Variants in COL10A1 observed in about 807,000 individuals in gnomAD.
COL10A1 encodes the protein collagen alpha-1(X) chain.
COL10A1 carries 10 observed loss-of-function variants against 18.2 expected under a neutral mutation model. The observed-to-expected ratio is 0.55, with a 90% CI of 0.34 to 0.93. The LOEUF is 0.93. COL10A1 is among the 40% of genes least tolerant of loss of function. The probability of loss-of-function intolerance (pLI) is 0.02; values close to 1 mark genes in which losing one functional copy is unlikely to be tolerated. For synonymous variants in COL10A1, 330 were observed against 316.6 expected, an observed-to-expected ratio of 1.04 and a Z score of -0.45; for missense variants, 897 against 853.5, an observed-to-expected ratio of 1.05 and a Z score of -0.64.
chr6:116,163,141 AAT>A (rs1554197063), upstream of COL10A1, among the ~76,000 whole-genome samples: 68 of 88,350 alleles, frequency 7.7e-4, 2 homozygotes, highest in East Asian at 3.9e-3. Flanking sequence ...AAAAAAAAAA[AAT>A]ATATATATAT....
intron 1 of COL10A1, among the ~76,000 whole-genome samples, chr6:116,152,020 G>T (rs933654086): frequency 1.3e-5 from 2 of 152,132 alleles, no homozygotes; most frequent in Non-Finnish European, 2.9e-5. Context: ...CTAAGATGCA[G>T]GATTATAGTA....
chr6:116,168,699 GT>G, the COL10A1 span, among the ~76,000 whole-genome samples: 2 of 151,148 alleles, frequency 1.3e-5, no homozygotes, highest in Admixed American at 6.6e-5. Flanking sequence ...ACTAGCTATT[GT>G]TTTTTTTAAT....
At chr6:116,128,192 T>C (rs375542536), upstream of COL10A1, among the ~76,000 whole-genome samples, 68 of 152,274 alleles carry the variant, frequency 4.5e-4, 1 homozygote, top group South Asian at 0.013. Flanking sequence ...GTGGTGTCCT[T>C]ATTGAATAAG....
the COL10A1 span, among the ~76,000 whole-genome samples, chr6:116,215,826 C>A: frequency 6.6e-6 from 1 of 152,046 alleles, no homozygotes; most frequent in Non-Finnish European, 1.5e-5. Context: ...GTAATACTGT[C>A]CAAGGACATT....
At chr6:116,131,015 T>C (rs1392188017), upstream of COL10A1, among the ~76,000 whole-genome samples, 1 of 152,208 alleles carries the variant, frequency 6.6e-6, no homozygotes, top group African/African-American at 2.4e-5. Flanking sequence ...CTGTTAGGTT[T>C]GTTTCATTTT....
chr6:116,141,887 C>A (rs1582830250), intron 1 of COL10A1, among the ~76,000 whole-genome samples: 1 of 72,790 alleles, frequency 1.4e-5, no homozygotes. Flanking sequence ...AAAAAGAAAA[C>A]ACACACACAC....
chr6:116,126,414 G>T (rs1271699796), upstream of COL10A1, among the ~76,000 whole-genome samples: 1 of 152,024 alleles, frequency 6.6e-6, no homozygotes, highest in Non-Finnish European at 1.5e-5. Flanking sequence ...CTGGTTCACG[G>T]TGGAATGATG....
At chr6:116,197,406 T>C in the COL10A1 span, among the ~76,000 whole-genome samples, 1 of 152,016 alleles carries the variant, frequency 6.6e-6, no homozygotes, top group Non-Finnish European at 1.5e-5. Flanking sequence ...TTTAAAATGC[T>C]AAGCAGAATT....
chr6:116,197,807 A>C, the COL10A1 span, among the ~76,000 whole-genome samples: 97 of 152,206 alleles, frequency 6.4e-4, no homozygotes, highest in African/African-American at 2.1e-3. Context: ...GCGCTAGGTA[A>C]ACATTTCTTC....
the COL10A1 span, among the ~76,000 whole-genome samples, chr6:116,195,697 G>A: frequency 1.3e-5 from 2 of 152,000 alleles, no homozygotes; most frequent in Non-Finnish European, 2.9e-5. Flanking sequence ...GAATATGGTA[G>A]ACTCTCTTGT....
the COL10A1 span, among the ~76,000 whole-genome samples, chr6:116,194,397 G>A: frequency 2.0e-5 from 3 of 151,964 alleles, no homozygotes; most frequent in Admixed American, 2.0e-4. Context: ...ACAAAGCCTA[G>A]AAAGGGTAGT....
At chr6:116,146,842 A>G (rs1215795180) in intron 1 of COL10A1, among the ~76,000 whole-genome samples, 2 of 151,974 alleles carry the variant, frequency 1.3e-5, no homozygotes, top group African/African-American at 4.8e-5. Flanking sequence ...TGTTTGGCCT[A>G]TGGATAGCCA....
Position 116,121,955 on chromosome 6 carries a change from G to A in COL10A1, c.161C>T (p.Ala54Val). The change falls in exon 3 of 3, where the codon GCA becomes GTA. Residue 54 changes from alanine (A) to valine (V), a missense_variant. Physicochemically the swap from Ala to Val is moderately conservative, Grantham distance 64. Coordinates refer to ENST00000651968, the MANE Select transcript of COL10A1 (RefSeq NM_000493.4). ...AGGAGTACCTTGCTCTCCTCTTACT[G>A]CTATACCTAAAAGACACACCCAACA... is the stretch of plus-strand genomic sequence containing the variant. Reference protein sequence around the residue: ...IPYTIKSKGIAVRGEQGTPGP... With the variant: ...IPYTIKSKGIVVRGEQGTPGP... 1 of 1,611,820 alleles carries A rather than the reference G, an allele frequency of 6.2e-7. No individual in the cohort carries two copies. Among genetic ancestry groups the A allele is most frequent in the Non-Finnish European group, 8.5e-7 (1 of 1,179,940 alleles).
chr6:116,196,550 TACTC>T, the COL10A1 span, among the ~76,000 whole-genome samples: 160 of 152,164 alleles, frequency 1.1e-3, no homozygotes, highest in Non-Finnish European at 1.8e-3. Flanking sequence ...ATTAGAAAAA[TACTC>T]AAACTATTTG....
At chr6:116,133,175 C>CA (rs1779511669) in intron 1 of COL10A1, among the ~76,000 whole-genome samples, 1 of 152,096 alleles carries the variant, frequency 6.6e-6, no homozygotes, top group Non-Finnish European at 1.5e-5. Flanking sequence ...ACCTGCTTTC[C>CA]ATAGTAACCC....
chr6:116,143,859 A>G (rs1486231980), intron 1 of COL10A1, among the ~76,000 whole-genome samples: 1 of 152,178 alleles, frequency 6.6e-6, no homozygotes, highest in Admixed American at 6.5e-5. Context: ...AGTTTGTAGT[A>G]GTGTTTGGTT....
intron 1 of COL10A1, among the ~76,000 whole-genome samples, chr6:116,132,387 A>C (rs774494071): frequency 3.9e-5 from 6 of 152,132 alleles, no homozygotes; most frequent in Non-Finnish European, 7.4e-5. Context: ...CTTTTCCTGT[A>C]CATGTTCTAT....
intron 1 of COL10A1, among the ~76,000 whole-genome samples, chr6:116,153,116 T>A (rs1404123588): frequency 1.3e-5 from 2 of 151,952 alleles, no homozygotes; most frequent in African/African-American, 4.8e-5. Flanking sequence ...TAAAAATATA[T>A]ACACAAATAT....
intron 1 of COL10A1, among the ~76,000 whole-genome samples, chr6:116,155,949 T>C (rs1338383538): frequency 6.6e-6 from 1 of 152,106 alleles, no homozygotes; most frequent in Admixed American, 6.5e-5. Flanking sequence ...TTCAGTTACC[T>C]AAAGGCTTTA....
Sources: allele counts gnomAD v4.1 joint callset (sites outside exome capture counted in the v4.1 genomes callset), GRCh38; gene constraint gnomAD v4.1.1; transcripts MANE v1.5; gene names NCBI Gene and HGNC (gene_info 2026-07-23, HGNC 2026-07-21).